Variants in GALNT17 observed in about 807,000 individuals in gnomAD.
GALNT17 encodes the protein polypeptide N-acetylgalactosaminyltransferase 17.
A neutral mutation model predicts 63.7 loss-of-function variants in GALNT17; 29 were observed. That is an observed-to-expected ratio of 0.46 (90% CI 0.34 to 0.62). GALNT17 has a LOEUF of 0.62. GALNT17 is among the 20% of genes least tolerant of loss of function. The pLI is 0.01. For synonymous variants in GALNT17, 305 were observed against 318.3 expected (o/e 0.96, Z 0.45); for missense variants, 603 against 799.6 (o/e 0.75, Z 2.97).
chr7:71,685,948 A>ATTTTTTTTTTT lies in GALNT17; in HGVS notation c.1500+8656_1500+8666dup, dbSNP rs3062958. 6.7e-5 allele frequency among the ~76,000 whole-genome samples: 4 copies of ATTTTTTTTTTT among 59,806 alleles called. 1 individual carries two copies. Among genetic ancestry groups the ATTTTTTTTTTT allele is most frequent in the African/African-American group, 2.8e-4 (4 of 14,544 alleles). 39.2% of individuals were successfully genotyped at this position (59,806 alleles called of 152,430 possible). ...TTTTTTTCTTTTCAAGGCAATTACT[A>ATTTTTTTTTTT]TTTTTTTTTTTTTTTTTTTTTTTTG... On this transcript the variant is annotated intron_variant, in intron 9 of 10. Transcript: ENST00000333538.
In GALNT17 at chr7:71,488,872, G is replaced by A. The variant is rs373672876; in HGVS notation, c.962+67767G>A. On this transcript the variant is annotated intron_variant, in intron 5 of 10. Transcript: ENST00000333538. ...GCTGGGATTACAGGCATGAGCCACC[G>A]CGCCCAGCCAGGTTTCCTTTTTTTT... 3.7e-4 allele frequency among the ~76,000 whole-genome samples: 53 copies of A among 141,474 alleles called. No individual in the cohort carries two copies. In the East Asian group the frequency reaches 8.6e-3, roughly 23 times the overall value. 92.8% of individuals were successfully genotyped at this position (141,474 alleles called of 152,430 possible). A position where few individuals can be genotyped will look rare whatever the true frequency, so the allele number is the denominator to read the frequency against.
chr7:71,268,235 A>C (rs1407440277), intron 1 of GALNT17, among the ~76,000 whole-genome samples: 2 of 151,880 alleles, frequency 1.3e-5, no homozygotes, highest in Non-Finnish European at 2.9e-5. Flanking sequence ...AATTTAAGCA[A>C]ACCCCCCATA....
intron 1 of GALNT17, among the ~76,000 whole-genome samples, chr7:71,275,638 C>T (rs1004163832): frequency 6.6e-6 from 1 of 152,150 alleles, no homozygotes; most frequent in Non-Finnish European, 1.5e-5. Context: ...ATGGGGGACA[C>T]AAATAGCTAG....
At chr7:71,233,326 C>T (rs565210708) in intron 1 of GALNT17, among the ~76,000 whole-genome samples, 8 of 152,070 alleles carry the variant, frequency 5.3e-5, no homozygotes, top group Non-Finnish European at 7.4e-5. Flanking sequence ...GAGAGGATGG[C>T]GAGGGAGCTG....
intron 1 of GALNT17, among the ~76,000 whole-genome samples, chr7:71,148,258 C>T (rs1284542318): frequency 6.6e-6 from 1 of 152,214 alleles, no homozygotes; most frequent in African/African-American, 2.4e-5. Context: ...GCTCATGTCA[C>T]TATATTTCTT....
At chr7:71,489,713 A>C (rs552015000) in intron 5 of GALNT17, among the ~76,000 whole-genome samples, 2 of 152,366 alleles carry the variant, frequency 1.3e-5, no homozygotes, top group East Asian at 3.9e-4. Context: ...CGGGCTGGGC[A>C]GGAAAACTGC....
At chr7:71,683,139 C>G (rs1791295789) in intron 9 of GALNT17, among the ~76,000 whole-genome samples, 1 of 152,286 alleles carries the variant, frequency 6.6e-6, no homozygotes, top group South Asian at 2.1e-4. Context: ...CTCATGGCTC[C>G]CCCGGCTCTG....
chr7:71,196,628 TA>T (rs149523413), intron 1 of GALNT17, among the ~76,000 whole-genome samples: 4,199 of 149,802 alleles, frequency 0.028, 189 homozygotes, highest in African/African-American at 0.094. Context: ...GTTGCTTAAT[TA>T]AAAAAAAAAT....
intron 2 of GALNT17, among the ~76,000 whole-genome samples, chr7:71,342,458 A>G (rs1015576594): frequency 2.0e-5 from 3 of 152,172 alleles, no homozygotes; most frequent in Non-Finnish European, 4.4e-5. Flanking sequence ...TCAACATGAG[A>G]TTTGGCTGAG....
At chr7:71,466,668 A>G (rs1563114180) in intron 5 of GALNT17, among the ~76,000 whole-genome samples, 1 of 152,146 alleles carries the variant, frequency 6.6e-6, no homozygotes, top group Admixed American at 6.5e-5. Context: ...CTTCATCTAC[A>G]TAACAAGAGC....
At chr7:71,452,111 C>A (rs765571550) in intron 5 of GALNT17, among the ~76,000 whole-genome samples, 1 of 151,968 alleles carries the variant, frequency 6.6e-6, no homozygotes. Flanking sequence ...ATAAATAGGG[C>A]GCACACCTGT....
intron 5 of GALNT17, among the ~76,000 whole-genome samples, chr7:71,558,693 C>T (rs917700102): frequency 6.6e-6 from 1 of 152,178 alleles, no homozygotes; most frequent in African/African-American, 2.4e-5. Flanking sequence ...TACAAAAACA[C>T]TCTTCCAAGG....
chr7:71,158,069 A>G (rs1788269727), intron 1 of GALNT17, among the ~76,000 whole-genome samples: 3 of 151,800 alleles, frequency 2.0e-5, no homozygotes, highest in Non-Finnish European at 4.4e-5. Flanking sequence ...GCAATTGTGA[A>G]TAGTGCTGCA....
chr7:71,186,431 G>T (rs1304207219), intron 1 of GALNT17, among the ~76,000 whole-genome samples: 1 of 152,296 alleles, frequency 6.6e-6, no homozygotes, highest in South Asian at 2.1e-4. Context: ...GCTGAGCGGG[G>T]CCTCTGCCTC....
At chr7:71,329,917 ATG>A (rs71089937) in intron 1 of GALNT17, among the ~76,000 whole-genome samples, 79,977 of 146,540 alleles carry the variant, frequency 0.55, 21,775 homozygotes, top group Non-Finnish European at 0.57. Context: ...ATATATATGT[ATG>A]TGTGTGTGTG....
chr7:71,553,435 T>C (rs949643380), intron 5 of GALNT17, among the ~76,000 whole-genome samples: 2 of 152,228 alleles, frequency 1.3e-5, no homozygotes, highest in African/African-American at 2.4e-5. Context: ...TTATCCTTTA[T>C]GATAAATTCC....
intron 1 of GALNT17, among the ~76,000 whole-genome samples, chr7:71,243,679 AC>A (rs1351158158): frequency 6.6e-6 from 1 of 152,164 alleles, no homozygotes; most frequent in African/African-American, 2.4e-5. Context: ...AGCTGGGACT[AC>A]AGGTGGGTGC....
intron 1 of GALNT17, among the ~76,000 whole-genome samples, chr7:71,162,670 C>T (rs974553092): frequency 6.6e-6 from 1 of 152,162 alleles, no homozygotes; most frequent in Non-Finnish European, 1.5e-5. Context: ...TGGATGCTTA[C>T]TGAACACCCA....
intron 1 of GALNT17, among the ~76,000 whole-genome samples, chr7:71,297,989 GT>G (rs1791113259): frequency 6.6e-6 from 1 of 152,110 alleles, no homozygotes. Flanking sequence ...GATGTTTATG[GT>G]TGTCAAACCT....
Sources: gnomAD v4.1 joint callset for allele counts (sites outside exome capture counted in the v4.1 genomes callset) on GRCh38, gnomAD v4.1.1 for gene constraint, MANE v1.5 for transcripts, NCBI Gene and HGNC (gene_info 2026-07-23, HGNC 2026-07-21) for gene names.